The following MAN2A1 variants were observed in gnomAD, a reference collection of about 807,000 sequenced individuals.
MAN2A1 encodes the protein mannosidase alpha class 2A member 1.
MAN2A1 carries 76 observed loss-of-function variants against 142.6 expected under a neutral mutation model. The ratio of observed to expected loss-of-function variants is 0.53; its 90% confidence interval spans 0.44 to 0.65. MAN2A1 has a LOEUF of 0.65. Among genes scored for constraint, MAN2A1 ranks in the 30% least tolerant of loss-of-function variants. MAN2A1 has a pLI of 0.00. For missense variants in MAN2A1, 1,311 were observed against 1,365.1 expected, an observed-to-expected ratio of 0.96 and a Z score of 0.62; for synonymous variants, 559 against 473.2, an observed-to-expected ratio of 1.18 and a Z score of -2.35.
rs563275000 is a variant in MAN2A1 at position 109,738,039 on chromosome 5, C to T, written c.707+8526C>T. On this transcript the variant is annotated intron_variant, in intron 4 of 21. Transcript: ENST00000261483. Reference sequence around the variant, plus strand: ...TTCCTTATACAGCTTTGTTCAGCTGCGTGAAGTTTTGTACCTTCATCTAAT... The same window carrying T: ...TTCCTTATACAGCTTTGTTCAGCTGTGTGAAGTTTTGTACCTTCATCTAAT... Among the ~76,000 whole-genome samples the T allele has an allele frequency of 7.9e-5, 12 of 152,184 alleles. No homozygotes were observed. In the South Asian group the frequency reaches 1.2e-3, roughly 16 times the overall value.
intron 12 of MAN2A1, among the ~76,000 whole-genome samples, chr5:109,816,430 C>A (rs554519371): frequency 3.3e-5 from 5 of 152,094 alleles, no homozygotes; most frequent in Non-Finnish European, 7.4e-5. Flanking sequence ...TCTACCTAAT[C>A]CCAATCAATT....
chr5:109,766,392 A>G (rs936749139), intron 5 of MAN2A1, among the ~76,000 whole-genome samples: 18 of 152,178 alleles, frequency 1.2e-4, no homozygotes, highest in Non-Finnish European at 2.1e-4. Context: ...AAATGCACAA[A>G]TCTTATGTGG....
chr5:109,803,519 A>T (rs943786760), intron 12 of MAN2A1, among the ~76,000 whole-genome samples: 1 of 152,074 alleles, frequency 6.6e-6, no homozygotes, highest in African/African-American at 2.4e-5. Flanking sequence ...ATCAAGGACC[A>T]TAATCAGAAA....
intron 4 of MAN2A1, among the ~76,000 whole-genome samples, chr5:109,746,162 A>G (rs1752398803): frequency 6.6e-6 from 1 of 151,940 alleles, no homozygotes; most frequent in Non-Finnish European, 1.5e-5. Context: ...TTTTGTGGAG[A>G]TGGGGTTTCG....
At chr5:109,848,153 T>G (rs1463088621) in intron 19 of MAN2A1, among the ~76,000 whole-genome samples, 1 of 152,170 alleles carries the variant, frequency 6.6e-6, no homozygotes, top group East Asian at 1.9e-4. Flanking sequence ...TTGGTAAACT[T>G]TATTTGAAAT....
chr5:109,860,353 T>A (rs1482702952), intron 20 of MAN2A1, among the ~76,000 whole-genome samples: 1 of 152,200 alleles, frequency 6.6e-6, no homozygotes. Flanking sequence ...TAATACCATC[T>A]TAGGACTTAT....
intron 1 of MAN2A1, among the ~76,000 whole-genome samples, chr5:109,698,188 G>A (rs948108738): frequency 2.6e-5 from 4 of 152,196 alleles, no homozygotes; most frequent in African/African-American, 9.6e-5. Flanking sequence ...GAGAGCTCAG[G>A]TATAGGTATC....
intron 4 of MAN2A1, among the ~76,000 whole-genome samples, chr5:109,754,995 C>G (rs1364349890): frequency 1.3e-5 from 2 of 152,176 alleles, no homozygotes; most frequent in Admixed American, 6.5e-5. Context: ...GAGTGAAACT[C>G]TGTCTCAAAT....
intron 18 of MAN2A1, among the ~76,000 whole-genome samples, chr5:109,846,482 G>A (rs1467943088): frequency 6.6e-6 from 1 of 152,198 alleles, no homozygotes; most frequent in Non-Finnish European, 1.5e-5. Context: ...GGATAAAGAG[G>A]TGTGGCTTTG....
chr5:109,713,610 G>C lies in MAN2A1; in HGVS notation c.226G>C (p.Val76Leu). The C allele has an allele frequency of 6.2e-7, 1 of 1,613,828 alleles. No individual in the cohort carries two copies. The highest frequency in any genetic ancestry group is 2.2e-5 in the East Asian group (1 of 44,888). The change falls in exon 2 of 22, where the codon GTC (valine) becomes CTC (leucine). Residue 76 changes from valine (V) to leucine (L), a missense_variant. Val to Leu is a conservative substitution (Grantham distance 32). This residue lies in a region of MAN2A1 where 409 missense variants were observed against 412.7 expected (regional missense o/e 0.99). Coordinates refer to ENST00000261483, the MANE Select transcript of MAN2A1 (RefSeq NM_002372.4). ...NEIISNIRDS[V>L]INLSESVEDG... Reference sequence around the variant, plus strand: ...GATCATCTCAAATATTAGAGACTCAGTCATCAATTTGAGTGAGTCTGTGGA... The same window carrying C: ...GATCATCTCAAATATTAGAGACTCACTCATCAATTTGAGTGAGTCTGTGGA...
intron 16 of MAN2A1, among the ~76,000 whole-genome samples, chr5:109,830,235 T>A (rs139400561): frequency 6.6e-6 from 1 of 152,206 alleles, no homozygotes; most frequent in Non-Finnish European, 1.5e-5. Flanking sequence ...GGGAATCACA[T>A]TGGGATTTGG....
intron 2 of MAN2A1, among the ~76,000 whole-genome samples, chr5:109,714,732 T>G (rs1222003156): frequency 6.6e-6 from 1 of 152,206 alleles, no homozygotes; most frequent in Non-Finnish European, 1.5e-5. Flanking sequence ...ATATGTACTT[T>G]CCACTAACTG....
chr5:109,852,150 A>AT (rs1341029710), intron 19 of MAN2A1, among the ~76,000 whole-genome samples: 4 of 151,980 alleles, frequency 2.6e-5, no homozygotes, highest in Non-Finnish European at 5.9e-5. Flanking sequence ...AAAACAAAAA[A>AT]AAAAAAACAT....
intron 4 of MAN2A1, among the ~76,000 whole-genome samples, chr5:109,740,003 C>T: frequency 6.6e-6 from 1 of 152,204 alleles, no homozygotes; most frequent in East Asian, 1.9e-4. Flanking sequence ...ATTTGCAAGA[C>T]TCTTCCTGTA....
intron 18 of MAN2A1, 92 bp from the exon 19 acceptor site, chr5:109,847,565 A>G (rs1755373032): frequency 3.5e-6 from 4 of 1,144,064 alleles, no homozygotes; most frequent in Admixed American, 3.7e-5. Flanking sequence ...ATTTAGAGCA[A>G]TACATCATGA....
intron 4 of MAN2A1, among the ~76,000 whole-genome samples, chr5:109,737,302 G>C (rs1328422659): frequency 6.6e-6 from 1 of 151,916 alleles, no homozygotes; most frequent in Non-Finnish European, 1.5e-5. Flanking sequence ...ATGTTGGCCA[G>C]GCTGGTCTTG....
At chr5:109,704,253 A>C (rs918139926) in intron 1 of MAN2A1, among the ~76,000 whole-genome samples, 1 of 152,228 alleles carries the variant, frequency 6.6e-6, no homozygotes, top group Non-Finnish European at 1.5e-5. Context: ...TGTTACTGTC[A>C]TACCTAGGCA....
chr5:109,743,459 AAGCAG>A (rs1402655029), intron 4 of MAN2A1, among the ~76,000 whole-genome samples: 5 of 152,154 alleles, frequency 3.3e-5, no homozygotes, highest in Non-Finnish European at 5.9e-5. Context: ...GAGGAATCTG[AAGCAG>A]AGGTGTTAAG....
At chr5:109,738,138 A>G (rs1028997785) in intron 4 of MAN2A1, among the ~76,000 whole-genome samples, 1 of 151,974 alleles carries the variant, frequency 6.6e-6, no homozygotes, top group Admixed American at 6.6e-5. Flanking sequence ...CTGGGAACTC[A>G]TTCCCATTTT....
Sources: gnomAD v4.1 joint callset for allele counts (sites outside exome capture counted in the v4.1 genomes callset) on GRCh38, gnomAD v4.1.1 for gene constraint, gnomAD v4.1.1 regional missense constraint, MANE v1.5 for transcripts, NCBI Gene and HGNC (gene_info 2026-07-23, HGNC 2026-07-21) for gene names.